The following EPM2A variants were observed in gnomAD, a reference collection of about 807,000 sequenced individuals.
EPM2A encodes the protein EPM2A glucan phosphatase, laforin, also known as laforin.
Under a neutral mutation model 26.5 loss-of-function variants are expected in EPM2A, and 21 were observed. The observed-to-expected ratio is 0.79, with a 90% confidence interval of 0.56 to 1.14. EPM2A has a LOEUF of 1.14. Ranked by LOEUF, EPM2A falls within the 50% of genes most tolerant of loss-of-function variation. EPM2A has a pLI of 0.00. For synonymous variants in EPM2A, 217 were observed against 177.6 expected (o/e 1.22, Z -1.76); for missense variants, 458 against 440.8 (o/e 1.04, Z -0.35).
chr6:145,671,359 T>C, intron 2 of EPM2A: 2 of 1,004,576 alleles, frequency 2.0e-6, no homozygotes, highest in South Asian at 4.1e-5. Flanking sequence ...GAAAGCACCA[T>C]CTTGAGGCAC....
At chr6:145,671,022 A>G in intron 2 of EPM2A, 1 of 985,262 alleles carries the variant, frequency 1.0e-6, no homozygotes, top group Non-Finnish European at 1.2e-6. Flanking sequence ...ATTGAATCAG[A>G]TGGAAATGCT....
At chr6:145,515,591 C>G (rs1780114771) in intron 2 of EPM2A, among the ~76,000 whole-genome samples, 1 of 152,194 alleles carries the variant, frequency 6.6e-6, no homozygotes, top group African/African-American at 2.4e-5. Flanking sequence ...ACTGGGGACT[C>G]AGGTTTTATA....
At chr6:145,422,354 A>G (rs1227298395) in intron 4 of EPM2A, among the ~76,000 whole-genome samples, 1 of 149,194 alleles carries the variant, frequency 6.7e-6, no homozygotes, top group Non-Finnish European at 1.5e-5. Flanking sequence ...TAGATATAAT[A>G]TGAAAGTCCC....
chr6:145,420,660 A>T (rs1185388987), intron 4 of EPM2A, among the ~76,000 whole-genome samples: 3 of 152,272 alleles, frequency 2.0e-5, no homozygotes, highest in Non-Finnish European at 4.4e-5. Flanking sequence ...TATGGTACTA[A>T]TTATACTATT....
At chr6:145,571,161 C>A (rs756867796) in intron 2 of EPM2A, among the ~76,000 whole-genome samples, 22 of 147,282 alleles carry the variant, frequency 1.5e-4, no homozygotes, top group Admixed American at 2.0e-4. Context: ...ATTCCTGGCC[C>A]CGTGAATCCT....
chr6:145,536,766 A>T (rs1259428455), intron 2 of EPM2A, among the ~76,000 whole-genome samples: 1 of 152,224 alleles, frequency 6.6e-6, no homozygotes, highest in Non-Finnish European at 1.5e-5. Context: ...GGAACTGTGG[A>T]AATAAATGAA....
intron 1 of EPM2A, among the ~76,000 whole-genome samples, chr6:145,730,116 A>G (rs1776411967): frequency 2.0e-5 from 3 of 152,088 alleles, no homozygotes; most frequent in Admixed American, 1.3e-4. Flanking sequence ...CTCCCCAGCC[A>G]TGTTTCCTGT....
chr6:145,606,633 C>T (rs1057430019), intron 2 of EPM2A, among the ~76,000 whole-genome samples: 1 of 151,784 alleles, frequency 6.6e-6, no homozygotes, highest in South Asian at 2.1e-4. Flanking sequence ...TTTGAGTTGT[C>T]GTCAATATAT....
chr6:145,428,011 T>G (rs1322037583), intron 4 of EPM2A, among the ~76,000 whole-genome samples: 1 of 151,556 alleles, frequency 6.6e-6, no homozygotes, highest in African/African-American at 2.4e-5. Flanking sequence ...TAATTATTTG[T>G]GACATTTTAT....
At chr6:145,734,368 T>C (rs1379461482) in intron 1 of EPM2A, among the ~76,000 whole-genome samples, 1 of 152,064 alleles carries the variant, frequency 6.6e-6, no homozygotes, top group Non-Finnish European at 1.5e-5. Context: ...AAAAAAAGTA[T>C]ATGCATATAT....
intron 2 of EPM2A, among the ~76,000 whole-genome samples, chr6:145,672,260 C>A (rs1280382119): frequency 6.6e-6 from 1 of 152,152 alleles, no homozygotes; most frequent in Non-Finnish European, 1.5e-5. Context: ...ATTGATTCCA[C>A]ACATCTAGAA....
intron 4 of EPM2A, among the ~76,000 whole-genome samples, chr6:145,435,573 T>A (rs1778978556): frequency 6.7e-6 from 1 of 150,362 alleles, no homozygotes; most frequent in Non-Finnish European, 1.5e-5. Context: ...ATTATTCTGA[T>A]TTTTTTTAAT....
At chr6:145,449,491 C>T (rs927791208) in intron 4 of EPM2A, among the ~76,000 whole-genome samples, 2 of 152,142 alleles carry the variant, frequency 1.3e-5, no homozygotes, top group Non-Finnish European at 1.5e-5. Context: ...GCATCTTTTA[C>T]CCCGTTTATC....
chr6:145,465,208 G>A (rs538873303), intron 4 of EPM2A, among the ~76,000 whole-genome samples: 9 of 151,776 alleles, frequency 5.9e-5, no homozygotes, highest in Middle Eastern at 3.4e-3. Flanking sequence ...TTCCCTTCTC[G>A]CTTCATTTCA....
intron 2 of EPM2A, among the ~76,000 whole-genome samples, chr6:145,555,751 A>G (rs1233788910): frequency 6.6e-6 from 1 of 152,136 alleles, no homozygotes; most frequent in African/African-American, 2.4e-5. Flanking sequence ...TATGTATCAC[A>G]TGAAACAAGG....
At chr6:145,505,097 G>T (rs1387929168) in intron 2 of EPM2A, among the ~76,000 whole-genome samples, 1 of 119,888 alleles carries the variant, frequency 8.3e-6, no homozygotes, top group Non-Finnish European at 1.7e-5. Context: ...GACTGTGGTG[G>T]GGTGGGGGGA....
intron 4 of EPM2A, among the ~76,000 whole-genome samples, chr6:145,385,452 A>T (rs980810576): frequency 2.6e-5 from 4 of 152,168 alleles, no homozygotes; most frequent in East Asian, 1.9e-4. Context: ...TATTCTGATG[A>T]TATAAATTAA....
chr6:145,502,615 T>C (rs949617625), intron 2 of EPM2A: 18 of 470,544 alleles, frequency 3.8e-5, no homozygotes, highest in Non-Finnish European at 7.0e-5. Flanking sequence ...TATTAAAACC[T>C]GGCACAGTGC....
Position 145,491,258 on chromosome 6 carries a change from G to A in EPM2A, c.555+11264C>T, listed in dbSNP as rs549492616. 6.0e-4 allele frequency: 220 copies of A among 367,588 alleles called. 2 individuals carry two copies. The highest frequency in any genetic ancestry group is 4.5e-3 in the South Asian group (204 of 45,222). The allele number at this position is 367,588 out of a possible 1,614,324, so 22.8% of individuals were successfully genotyped here. A position where few individuals can be genotyped will look rare whatever the true frequency, so the allele number is the denominator to read the frequency against. ...GGGGCTGGGGCTAGCCGGCCACTTC[G>A]GCACCAGCTGAGGCAAACTCTACTC... On this transcript the variant is annotated intron_variant, in intron 4 of 4. Transcript: ENST00000638717.
Sources: gnomAD v4.1 joint callset for allele counts (sites outside exome capture counted in the v4.1 genomes callset) on GRCh38, gnomAD v4.1.1 for gene constraint, MANE v1.5 for transcripts, NCBI Gene and HGNC (gene_info 2026-07-23, HGNC 2026-07-21) for gene names.